Variants in IRS1 observed in about 807,000 individuals in gnomAD.
IRS1 encodes the protein insulin receptor substrate 1.
IRS1 carries 34 observed loss-of-function variants against 65.6 expected under a neutral mutation model. That is an observed-to-expected ratio of 0.52 (90% CI 0.39 to 0.69). IRS1 has a LOEUF of 0.69. Ranked by LOEUF, IRS1 falls within the 30% of genes least tolerant of loss-of-function variation. The pLI is 0.00. For synonymous variants in IRS1, 699 were observed against 683.5 expected, an observed-to-expected ratio of 1.02 and a Z score of -0.35; for missense variants, 1,641 against 1,720.2, an observed-to-expected ratio of 0.95 and a Z score of 0.81.
chr2:226,745,062 T>A (rs1559147421), intron 1 of IRS1, among the ~76,000 whole-genome samples: 1 of 152,246 alleles, frequency 6.6e-6, no homozygotes, highest in Non-Finnish European at 1.5e-5. Flanking sequence ...ACAGTTCTCA[T>A]TTGCTTTACC....
chr2:226,756,164 T>C (rs1022139069), intron 1 of IRS1, among the ~76,000 whole-genome samples: 1 of 152,198 alleles, frequency 6.6e-6, no homozygotes, highest in African/African-American at 2.4e-5. Context: ...ATACAAGATT[T>C]AGGGGCCCTG....
rs1280913865 is a variant in IRS1 at position 226,732,151 on chromosome 2, C to T, written c.*4121G>A. On this transcript the variant is annotated 3_prime_UTR_variant, in exon 2 of 2. Transcript: ENST00000305123. Reference sequence around the variant, plus strand: ...GTTAAGCACCTCCAATATCATTCCACCTCCTCCCTGCCCCTAATGTGATGC... The same window carrying T: ...GTTAAGCACCTCCAATATCATTCCATCTCCTCCCTGCCCCTAATGTGATGC... The T allele has an allele frequency of 2.6e-5, 4 of 152,140 alleles. No homozygotes were observed. Among genetic ancestry groups the T allele is most frequent in the African/African-American group, 9.7e-5 (4 of 41,424 alleles). 9.4% of individuals were successfully genotyped at this position (152,140 alleles called of 1,614,324 possible).
intron 1 of IRS1, among the ~76,000 whole-genome samples, chr2:226,791,864 G>C (rs917045543): frequency 6.6e-6 from 1 of 152,106 alleles, no homozygotes; most frequent in Non-Finnish European, 1.5e-5. Flanking sequence ...GACCCGAGAC[G>C]GGCGGGGGCG....
At chr2:226,792,410 G>A (rs1463258773) in intron 1 of IRS1, 1 of 152,262 alleles carries the variant, frequency 6.6e-6, no homozygotes, top group Admixed American at 6.5e-5. Context: ...AAGAAAAAAA[G>A]GATAATGTCA....
chr2:226,764,762 T>C (rs1319207046), intron 1 of IRS1, among the ~76,000 whole-genome samples: 2 of 152,170 alleles, frequency 1.3e-5, no homozygotes, highest in African/African-American at 2.4e-5. Context: ...ATTCACCTCT[T>C]GGGTTGCCGT....
intron 1 of IRS1, among the ~76,000 whole-genome samples, chr2:226,750,265 AAAAAAG>A (rs1559148594): frequency 6.6e-6 from 1 of 151,634 alleles, no homozygotes; most frequent in Non-Finnish European, 1.5e-5. Context: ...AAAAAAAAAA[AAAAAAG>A]AATCATTAAA....
At position 226,797,591 on chromosome 2, in the gene IRS1, G is replaced by A. The variant is rs1446895458; in HGVS notation, c.1148C>T (p.Ser383Leu). ...ACTGACCGGGCTGGTGGCCGAAGGCGAGCAGCGGGAAGCCGGCATGGGGAT... is the reference window on the plus strand; with the variant it reads ...ACTGACCGGGCTGGTGGCCGAAGGCAAGCAGCGGGAAGCCGGCATGGGGAT... ...RSIPMPASRCSPSATSPVSLS... is the reference protein window; with the variant it reads ...RSIPMPASRCLPSATSPVSLS... Residue 383 changes from serine to leucine, a missense_variant, in exon 1 of 2, where the codon TCG (serine) becomes TTG (leucine). Around this residue, in one of 3 missense-constraint regions of IRS1, gnomAD observed 1,324 missense variants for 1,361.0 expected, o/e 0.97. Coordinates refer to ENST00000305123, the MANE Select transcript of IRS1 (RefSeq NM_005544.3). This position sits in a 1 kb window ranked among gnomAD's most constrained non-coding sequence, Gnocchi z 8.1. The A allele has an allele frequency of 6.3e-7, 1 of 1,590,196 alleles. No individual in the cohort carries two copies. Among genetic ancestry groups the A allele is most frequent in the Non-Finnish European group, 8.5e-7 (1 of 1,171,034 alleles).
At chr2:226,774,168 G>C (rs16822626) in intron 1 of IRS1, among the ~76,000 whole-genome samples, 3,777 of 152,174 alleles carry the variant, frequency 0.025, 153 homozygotes, top group African/African-American at 0.086. Context: ...TTGAGAGTCC[G>C]TTATAGTAAG....
At chr2:226,774,171 A>G (rs1381745063) in intron 1 of IRS1, among the ~76,000 whole-genome samples, 1 of 152,224 alleles carries the variant, frequency 6.6e-6, no homozygotes, top group East Asian at 1.9e-4. Flanking sequence ...AGAGTCCGTT[A>G]TAGTAAGAAA....
At position 226,799,803 on chromosome 2, in the gene IRS1, G is replaced by C. The variant is rs934104241; in HGVS notation, c.-1065C>G. On this transcript the variant is annotated 5_prime_UTR_variant, in exon 1 of 2. Transcript: ENST00000305123. The surrounding 1 kb of genome is among the most constrained non-coding windows in gnomAD (Gnocchi z 6.1). ...AACACGTGACGGAGCCTCCGCGCTC[G>C]GCAGCCGGGCAGCCGCCGCCGGGAG... 4 of 988,300 alleles carry C rather than the reference G, an allele frequency of 4.0e-6. No homozygotes were observed. Among genetic ancestry groups the C allele is most frequent in the Non-Finnish European group, 2.4e-6 (2 of 829,726 alleles). 61.2% of individuals were successfully genotyped at this position (988,300 alleles called of 1,614,324 possible). A position where few individuals can be genotyped will look rare whatever the true frequency, so the allele number is the denominator to read the frequency against.
chr2:226,788,837 AC>A (rs1205183733), intron 1 of IRS1, among the ~76,000 whole-genome samples: 2 of 152,224 alleles, frequency 1.3e-5, no homozygotes, highest in Non-Finnish European at 2.9e-5. Flanking sequence ...TGTTTCAATA[AC>A]ATTTTAAAGA....
At chr2:226,776,488 G>C (rs2464987) in intron 1 of IRS1, among the ~76,000 whole-genome samples, 1 of 152,244 alleles carries the variant, frequency 6.6e-6, no homozygotes, top group African/African-American at 2.4e-5. Context: ...AGAAAAACCT[G>C]ACAAACACTC....
intron 1 of IRS1, among the ~76,000 whole-genome samples, chr2:226,776,125 G>T (rs998784224): frequency 6.6e-6 from 1 of 151,874 alleles, no homozygotes; most frequent in Admixed American, 6.6e-5. Context: ...AAAAAGTAAG[G>T]GAATGCTCAA....
chr2:226,795,081 G>T lies in IRS1; in HGVS notation c.3658C>A (p.Arg1220Ser). 1.2e-6 allele frequency: 2 copies of T among 1,611,622 alleles called. No individual in the cohort carries two copies. Among genetic ancestry groups the T allele is most frequent in the Non-Finnish European group, 1.7e-6 (2 of 1,179,440 alleles). ...PLGSGESSSTRRSSEDLSAYA... is the reference protein window; with the variant it reads ...PLGSGESSSTSRSSEDLSAYA... ...GCGCTTAAATCCTCACTTGAGCGGC[G>T]GGTGGAGCTGCTCTCACCGCTGCCC... The change falls in exon 1 of 2, where the codon CGC becomes AGC. Residue 1220 changes from arginine to serine, a missense_variant. Transcript: ENST00000305123.
At chr2:226,738,983 A>C (rs1938385468) in intron 1 of IRS1, among the ~76,000 whole-genome samples, 1 of 152,170 alleles carries the variant, frequency 6.6e-6, no homozygotes, top group African/African-American at 2.4e-5. Context: ...ACACGTACCA[A>C]CCTGCACGGA....
At chr2:226,751,163 G>A (rs1938670058) in intron 1 of IRS1, among the ~76,000 whole-genome samples, 1 of 151,822 alleles carries the variant, frequency 6.6e-6, no homozygotes, top group Non-Finnish European at 1.5e-5. Context: ...AGAGAAGAAT[G>A]AGAAACTTCT....
chr2:226,766,120 CTTATAT>C lies in IRS1; in HGVS notation c.*21+28863_*21+28868del, dbSNP rs1248672575. ...AATTTTCCCAAGGCCCTCTCTTAAT[CTTATAT>C]ATATATATATATATATATATATATA... On this transcript the variant is annotated intron_variant, in intron 1 of 1. Coordinates refer to ENST00000305123, the MANE Select transcript of IRS1 (RefSeq NM_005544.3). Among the ~76,000 whole-genome samples the C allele has an allele frequency of 1.4e-3, 45 of 31,686 alleles. 1 individual carries two copies. Among genetic ancestry groups the C allele is most frequent in the Middle Eastern group, 0.019 (1 of 54 alleles). The allele number at this position is 31,686 out of a possible 152,430, so 20.8% of individuals were successfully genotyped here.
chr2:226,791,320 C>CG (rs1158371620), intron 1 of IRS1, among the ~76,000 whole-genome samples: 1 of 152,070 alleles, frequency 6.6e-6, no homozygotes, highest in Non-Finnish European at 1.5e-5. Flanking sequence ...TCGCGGATCT[C>CG]GAGACCGGAA....
chr2:226,796,121 C>T lies in IRS1; in HGVS notation c.2618G>A (p.Arg873Gln), dbSNP rs200073898. The change falls in exon 1 of 2, where the codon CGG becomes CAG. Residue 873 changes from arginine (R) to glutamine (Q), a missense_variant. Arg to Gln is a conservative substitution (Grantham distance 43, BLOSUM62 1). Around this residue, in one of 3 missense-constraint regions of IRS1, gnomAD observed 1,324 missense variants for 1,361.0 expected, o/e 0.97. Coordinates refer to ENST00000305123, the MANE Select transcript of IRS1 (RefSeq NM_005544.3). ...LGDPKASTLP[R>Q]AREQQQQQQP... ...CTGCTGCTGCTGCTGCTCTCGGGCC[C>T]GAGGTAAGGTGCTGGCCTTGGGATC... 40 of 1,613,708 alleles carry T rather than the reference C, an allele frequency of 2.5e-5. No homozygotes were observed. Among genetic ancestry groups the T allele is most frequent in the Non-Finnish European group, 3.2e-5 (38 of 1,180,026 alleles).
Sources: allele counts gnomAD v4.1 joint callset (sites outside exome capture counted in the v4.1 genomes callset), GRCh38; gene constraint gnomAD v4.1.1; regional missense constraint gnomAD v4.1.1; non-coding constraint Gnocchi (gnomAD v3.1); transcripts MANE v1.5; gene names NCBI Gene and HGNC (gene_info 2026-07-23, HGNC 2026-07-21).